Variants in SPNS3 observed in about 807,000 individuals in gnomAD.
The protein encoded by SPNS3 is SPNS lysolipid transporter 3, sphingosine-1-phosphate (putative).
SPNS3 carries 51 observed loss-of-function variants against 54.4 expected under a neutral mutation model. That is an observed-to-expected ratio of 0.94 (90% CI 0.75 to 1.18). The LOEUF is 1.18. SPNS3 is among the 50% of genes most tolerant of loss of function. SPNS3 has a pLI of 0.00. For missense variants in SPNS3, 669 were observed against 677.4 expected, an observed-to-expected ratio of 0.99 and a Z score of 0.14; for synonymous variants, 309 against 294.7, an observed-to-expected ratio of 1.05 and a Z score of -0.50.
In SPNS3 at chr17:4,453,080, G is replaced by A; in HGVS notation, c.988G>A (p.Ala330Thr). 6.2e-7 allele frequency: 1 copy of A among 1,613,806 alleles called. No homozygotes were observed. Among genetic ancestry groups the A allele is most frequent in the Middle Eastern group, 1.7e-4 (1 of 6,060 alleles). ...VIGVILGAEA[A>T]RRYKKVIPGA... is the part of the protein sequence containing the mutation. ...TGGGGTCATCTTGGGGGCAGAAGCT[G>A]CGAGGAGGTACAAGAAAGTCATTCC... is the stretch of plus-strand genomic sequence containing the variant. The change falls in exon 8 of 12, where the codon GCG becomes ACG. Residue 330 changes from alanine to threonine, a missense_variant. Physicochemically the swap from Ala to Thr is moderately conservative, Grantham distance 58. Transcript: ENST00000355530.
intron 1 of SPNS3, among the ~76,000 whole-genome samples, chr17:4,436,366 T>A (rs1158699996): frequency 1.3e-5 from 2 of 151,992 alleles, no homozygotes; most frequent in Non-Finnish European, 2.9e-5. Context: ...GTCAGGAGCT[T>A]CTCCTCACAT....
intron 5 of SPNS3, 92 bp downstream of exon 5, chr17:4,447,054 C>G: frequency 7.1e-7 from 1 of 1,399,092 alleles, no homozygotes; most frequent in Non-Finnish European, 9.8e-7. Flanking sequence ...TGGCGTAGCA[C>G]CCGGCGCCAT....
intron 7 of SPNS3, among the ~76,000 whole-genome samples, chr17:4,452,591 C>G (rs1245846214): frequency 1.3e-5 from 2 of 152,062 alleles, no homozygotes; most frequent in African/African-American, 4.8e-5. Context: ...ATGTTTGCTT[C>G]CCTCCATTCC....
intron 8 of SPNS3, among the ~76,000 whole-genome samples, chr17:4,462,143 ATCC>A (rs1971525827): frequency 1.8e-3 from 1 of 560 alleles, no homozygotes; most frequent in African/African-American, 4.0e-3. Context: ...CCATCCATCC[ATCC>A]ATCCATCCAT....
chr17:4,467,891 G>A (rs1010754890), intron 8 of SPNS3, among the ~76,000 whole-genome samples: 1 of 152,160 alleles, frequency 6.6e-6, no homozygotes, highest in East Asian at 1.9e-4. Context: ...GGGTGGCCTC[G>A]AATTCCTGAC....
chr17:4,478,154 TAG>T (rs1176975216), intron 8 of SPNS3, among the ~76,000 whole-genome samples: 1 of 151,902 alleles, frequency 6.6e-6, no homozygotes. Context: ...GTATTTTTAG[TAG>T]AGATGGGGTT....
chr17:4,472,772 GC>G (rs1971889106), intron 8 of SPNS3, among the ~76,000 whole-genome samples: 2 of 122,508 alleles, frequency 1.6e-5, no homozygotes, highest in Non-Finnish European at 3.2e-5. Flanking sequence ...TTGCTTGGCA[GC>G]CTTTTTTTTT....
rs1387064072 is a variant in SPNS3 at position 4,469,858 on chromosome 17, C to CT, written c.1114-8710dup. Among the ~76,000 whole-genome samples, 3 of 152,046 alleles carry CT rather than the reference C, an allele frequency of 2.0e-5. No individual in the cohort carries two copies. The East Asian group carries it at 5.8e-4, about 29-fold the overall frequency. Reference sequence around the variant, plus strand: ...CACTGTATCGTGTTGTATCAAATGACTTTTATATTTTTATTTGGGAGACAC... The same window carrying CT: ...CACTGTATCGTGTTGTATCAAATGACTTTTTATATTTTTATTTGGGAGACAC... On this transcript the variant is annotated intron_variant, in intron 8 of 11. Transcript: ENST00000355530.
At chr17:4,448,132 T>A in intron 5 of SPNS3, 23 bp from the exon 6 acceptor site, 1 of 1,562,838 alleles carries the variant, frequency 6.4e-7, no homozygotes, top group Non-Finnish European at 8.6e-7. Flanking sequence ...GGCCCTGAGC[T>A]TCCTGGGCCC....
chr17:4,456,460 C>T (rs560537795), intron 8 of SPNS3, among the ~76,000 whole-genome samples: 8 of 152,332 alleles, frequency 5.3e-5, no homozygotes, highest in Admixed American at 2.6e-4. Context: ...TTCTCTTCTG[C>T]ACGTGCTCTT....
chr17:4,478,951 T>A (rs1972085577), intron 9 of SPNS3, among the ~76,000 whole-genome samples: 1 of 152,110 alleles, frequency 6.6e-6, no homozygotes. Flanking sequence ...CCTCCCTCTT[T>A]TCTTTTTTGA....
chr17:4,460,365 A>G (rs1220150997), intron 8 of SPNS3, among the ~76,000 whole-genome samples: 2 of 151,714 alleles, frequency 1.3e-5, no homozygotes, highest in Non-Finnish European at 2.9e-5. Flanking sequence ...TGTTTAACCA[A>G]CCTTGCATTC....
intron 2 of SPNS3, 27 bp from the exon 3 acceptor site, chr17:4,445,005 C>T: frequency 1.9e-6 from 3 of 1,605,478 alleles, no homozygotes; most frequent in Non-Finnish European, 1.7e-6. Flanking sequence ...TGGGGGGATC[C>T]AGGCTGCCCC....
chr17:4,472,774 CTTTTTTTTTTTTTTTTT>C (rs375118697), intron 8 of SPNS3, among the ~76,000 whole-genome samples: 83 of 50,980 alleles, frequency 1.6e-3, no homozygotes, highest in African/African-American at 6.2e-3. Flanking sequence ...GCTTGGCAGC[CTTTTTTTTTTTTTTTTT>C]TTTTTTTTTT....
rs748696934 is a variant in SPNS3, at chr17:4,487,888, GC to G, written c.1536del (p.Ter513GlufsTer91). ...LSGAGASTEE[P>X] is the part of the protein sequence containing the mutation. ...CGGGCGCTGGCGCCTCTACAGAGGA[GC>G]CCTGAGGTCCCTGCCTACACTCGTC... On this transcript the variant is annotated frameshift_variant, in exon 12 of 12. Coordinates refer to ENST00000355530, the MANE Select transcript of SPNS3 (RefSeq NM_182538.5). LOFTEE classifies it high-confidence loss of function. The G allele has an allele frequency of 9.3e-6, 15 of 1,613,776 alleles. No homozygotes were observed. The highest frequency in any genetic ancestry group is 1.1e-5 in the Non-Finnish European group (13 of 1,179,804).
Position 4,486,536 on chromosome 17 carries a change from C to T in SPNS3, c.1403C>T (p.Ala468Val), listed in dbSNP as rs377243421. Residue 468 changes from alanine to valine, a missense_variant, in exon 11 of 12, where the codon GCG (alanine) becomes GTG (valine). By Grantham distance (64) the Ala-to-Val change is moderately conservative (BLOSUM62 0). Transcript: ENST00000355530. This position sits in a 1 kb window ranked among gnomAD's most constrained non-coding sequence, Gnocchi z 5.5. Reference protein sequence around the residue: ...ALGGGCFLLTALYLERDETRA... With the variant: ...ALGGGCFLLTVLYLERDETRA... ...GGGGGCGGCTGCTTCCTGCTGACTGCGCTGTACCTGGAGAGAGACGAGACC... is the reference window on the plus strand; with the variant it reads ...GGGGGCGGCTGCTTCCTGCTGACTGTGCTGTACCTGGAGAGAGACGAGACC... 3.0e-5 allele frequency: 48 copies of T among 1,613,386 alleles called. No individual in the cohort carries two copies. Among genetic ancestry groups the T allele is most frequent in the Middle Eastern group, 1.6e-4 (1 of 6,078 alleles).
intron 8 of SPNS3, among the ~76,000 whole-genome samples, chr17:4,468,721 T>TTTTCTTTTCTTTCTTTCTTTCTTTCTTTC (rs1555531860): frequency 2.5e-5 from 3 of 121,372 alleles, no homozygotes; most frequent in Non-Finnish European, 3.3e-5. Flanking sequence ...TCTCTCTTTC[T>TTTTCTTTTCTTTCTTTCTTTCTTTCTTTC]TTTCTTTCTT....
At chr17:4,435,456 A>T (rs1356639416) in intron 1 of SPNS3, among the ~76,000 whole-genome samples, 74 of 135,392 alleles carry the variant, frequency 5.5e-4, no homozygotes, top group African/African-American at 2.5e-3. Context: ...AAAAAAAATA[A>T]AAAATAAAAA....
chr17:4,463,738 G>GAA (rs113125706), intron 8 of SPNS3, among the ~76,000 whole-genome samples: 2 of 97,184 alleles, frequency 2.1e-5, no homozygotes, highest in Non-Finnish European at 4.4e-5. Flanking sequence ...ACTCCATCTC[G>GAA]AAAAAAAAAA....
Sources: allele counts gnomAD v4.1 joint callset (sites outside exome capture counted in the v4.1 genomes callset), GRCh38; gene constraint gnomAD v4.1.1; non-coding constraint Gnocchi (gnomAD v3.1); transcripts MANE v1.5; gene names NCBI Gene and HGNC (gene_info 2026-07-23, HGNC 2026-07-21).